The following SSBP4 variants were observed in gnomAD, a reference collection of about 807,000 sequenced individuals.
The protein encoded by SSBP4 is single stranded DNA binding protein 4, also known as single-stranded DNA-binding protein 4.
SSBP4 carries 33 observed loss-of-function variants against 64.6 expected under a neutral mutation model. The observed-to-expected ratio is 0.51, with a 90% confidence interval of 0.39 to 0.68. The LOEUF is 0.68. SSBP4 is among the 30% of genes least tolerant of loss of function. The probability of loss-of-function intolerance (pLI) is 0.00; values close to 1 mark genes in which losing one functional copy is unlikely to be tolerated. For missense variants in SSBP4, 583 were observed against 566.8 expected (o/e 1.03, Z -0.29); for synonymous variants, 243 against 224.0 (o/e 1.08, Z -0.76).
At chr19:18,434,176 T>C in intron 17 of SSBP4, 41 bp from the exon 18 acceptor site, 1 of 1,609,054 alleles carries the variant, frequency 6.2e-7, no homozygotes, top group Middle Eastern at 1.7e-4. Flanking sequence ...CTTCCGGAGC[T>C]GAACTCGGCC....
In SSBP4 at chr19:18,419,616, G is replaced by A. The variant is rs1180764728; in HGVS notation, c.-33G>A. The stretch of plus-strand genomic sequence containing the variant: ...CGCGGCCCGCGGCGCCGCCTGACAG[G>A]TGTGGGCCCCGGCGGCGGCGGCGTG... On this transcript the variant is annotated 5_prime_UTR_variant, in exon 1 of 18. It adds an upstream start codon to the 5' untranslated region. Transcript: ENST00000270061. 1 of 1,264,230 alleles carries A rather than the reference G, an allele frequency of 7.9e-7. No individual in the cohort carries two copies. The highest frequency in any genetic ancestry group is 1.0e-6 in the Non-Finnish European group (1 of 999,430). The allele number at this position is 1,264,230 out of a possible 1,614,324, so 78.3% of individuals were successfully genotyped here. A position where few individuals can be genotyped will look rare whatever the true frequency, so the allele number is the denominator to read the frequency against.
At chr19:18,407,726 C>A in the SSBP4 span, among the ~76,000 whole-genome samples, 15 of 152,008 alleles carry the variant, frequency 9.9e-5, no homozygotes, top group Admixed American at 5.2e-4. Flanking sequence ...CCACTGTACC[C>A]GGCCTTAGTA....
At chr19:18,432,459 C>T (rs549474507) in intron 10 of SSBP4, 100 bp from the exon 11 acceptor site, 35 of 1,477,418 alleles carry the variant, frequency 2.4e-5, no homozygotes, top group Admixed American at 2.1e-4. Flanking sequence ...GCTCTGTGGT[C>T]GGTCTGGGGA....
At chr19:18,433,418 C>T in intron 15 of SSBP4, 167 bp from the exon 16 acceptor site, 1 of 1,339,454 alleles carries the variant, frequency 7.5e-7, no homozygotes, top group Non-Finnish European at 1.0e-6. Context: ...CGCCCCTCCC[C>T]CCCAGGCCCA....
chr19:18,421,374 T>C (rs1033858185), intron 1 of SSBP4, among the ~76,000 whole-genome samples: 3 of 152,196 alleles, frequency 2.0e-5, no homozygotes, highest in Non-Finnish European at 2.9e-5. Flanking sequence ...TCTGCCATGG[T>C]CACCCCTGGA....
chr19:18,427,318 G>A lies in SSBP4; in HGVS notation c.60-33G>A, dbSNP rs1313896036. The A allele has an allele frequency of 6.2e-7, 1 of 1,604,654 alleles. No individual in the cohort carries two copies. The highest frequency in any genetic ancestry group is 8.5e-7 in the Non-Finnish European group (1 of 1,178,792). ...TTGGGGTGGGCCCTTGCCTTGGAGAGTCTGAGCTCCCTGGGCCGCCTCGCC... is the reference window on the plus strand; with the variant it reads ...TTGGGGTGGGCCCTTGCCTTGGAGAATCTGAGCTCCCTGGGCCGCCTCGCC... On this transcript the variant is annotated intron_variant, in intron 1 of 17. Transcript: ENST00000270061. The surrounding 1 kb of genome is among the most constrained non-coding windows in gnomAD (Gnocchi z 4.4).
chr19:18,429,803 C>T (rs1049838624), intron 4 of SSBP4, among the ~76,000 whole-genome samples: 2 of 152,148 alleles, frequency 1.3e-5, no homozygotes, highest in Non-Finnish European at 2.9e-5. Context: ...TAGGGGGCTC[C>T]CGCCTCCAGC....
the SSBP4 span, among the ~76,000 whole-genome samples, chr19:18,405,232 G>C: frequency 6.6e-6 from 1 of 152,124 alleles, no homozygotes; most frequent in Non-Finnish European, 1.5e-5. Flanking sequence ...GCTGGAACAG[G>C]GTCAAGGGCT....
In SSBP4 at chr19:18,434,450, T is replaced by C. The variant is rs1973849145; in HGVS notation, c.*204T>C. On this transcript the variant is annotated 3_prime_UTR_variant, in exon 18 of 18. Transcript: ENST00000270061. ...AGACGTTCTTTTCTGTATGGACCCT[T>C]CCTGCCATTTGTATTTTGTCCCAGA... 6 of 997,090 alleles carry C rather than the reference T, an allele frequency of 6.0e-6. No homozygotes were observed. In the South Asian group the frequency reaches 7.3e-5, roughly 12 times the overall value. The allele number at this position is 997,090 out of a possible 1,614,324, so 61.8% of individuals were successfully genotyped here.
At chr19:18,429,508 C>A (rs1427283857) in intron 4 of SSBP4, among the ~76,000 whole-genome samples, 1 of 151,078 alleles carries the variant, frequency 6.6e-6, no homozygotes. Flanking sequence ...GACCAGGAAA[C>A]GCTCAGGCAC....
chr19:18,412,265 A>C, the SSBP4 span, among the ~76,000 whole-genome samples: 13 of 152,078 alleles, frequency 8.5e-5, no homozygotes, highest in African/African-American at 3.1e-4. Context: ...GGTCAAGACC[A>C]GCCTGGCCAA....
chr19:18,420,140 CG>C (rs1245581181), intron 1 of SSBP4: 1 of 152,016 alleles, frequency 6.6e-6, no homozygotes, highest in Non-Finnish European at 1.5e-5. Flanking sequence ...CGAAGTTTTC[CG>C]GGACGAACAA....
intron 5 of SSBP4, 55 bp downstream of exon 5, chr19:18,430,985 A>T: frequency 1.3e-6 from 2 of 1,576,776 alleles, no homozygotes; most frequent in South Asian, 1.1e-5. Context: ...CATGCGTTTG[A>T]GGGTGGGGGG....
chr19:18,413,134 T>G, the SSBP4 span, among the ~76,000 whole-genome samples: 2 of 134,756 alleles, frequency 1.5e-5, no homozygotes, highest in African/African-American at 2.8e-5. Context: ...GAGCGTGGGG[T>G]GTTTTGGTTT....
At chr19:18,406,745 A>T in the SSBP4 span, among the ~76,000 whole-genome samples, 2 of 152,078 alleles carry the variant, frequency 1.3e-5, no homozygotes, top group Admixed American at 6.6e-5. Context: ...GGGCTGAGCC[A>T]AGCACCAGAG....
At position 18,427,922 on chromosome 19, in the gene SSBP4, G is replaced by A. The variant is rs144580240; in HGVS notation, c.219G>A (p.Ala73=). 4.3e-5 allele frequency: 69 copies of A among 1,613,678 alleles called. No individual in the cohort carries two copies. Among genetic ancestry groups the A allele is most frequent in the East Asian group, 1.8e-4 (8 of 44,870 alleles). ...GCGTCTTCTGGGACCTGTACTGCGC[G>A]GCGCCTGACAGAAGAGAGGCCTGCG... is the stretch of plus-strand genomic sequence containing the variant. The part of the protein sequence containing the change: ...WWCVFWDLYC[A]APDRREACEH... Residue 73 remains alanine (A), a synonymous_variant, in exon 4 of 18, where the codon GCG becomes GCA. Transcript: ENST00000270061. The surrounding 1 kb of genome is among the most constrained non-coding windows in gnomAD (Gnocchi z 4.4).
the SSBP4 span, among the ~76,000 whole-genome samples, chr19:18,405,986 G>A: frequency 1.4e-5 from 2 of 145,040 alleles, no homozygotes; most frequent in African/African-American, 2.5e-5. Context: ...GCAAGACTCC[G>A]TCTAAAAAAA....
At chr19:18,424,801 C>T (rs930337368) in intron 1 of SSBP4, among the ~76,000 whole-genome samples, 4 of 149,964 alleles carry the variant, frequency 2.7e-5, no homozygotes, top group Middle Eastern at 3.5e-3. Context: ...CCTGTGCGCA[C>T]GCCACCAGAG....
Position 18,432,883 on chromosome 19 carries a change from G to A in SSBP4, c.841G>A (p.Asp281Asn). Reference sequence around the variant, plus strand: ...AACACCCATCATGCCTAGCCCTGGAGGTATGGCCTAGTAAGAGGTGGGGGT... The same window carrying A: ...AACACCCATCATGCCTAGCCCTGGAAGTATGGCCTAGTAAGAGGTGGGGGT... ...PGTPIMPSPG[D>N]STNSSENMYT... Residue 281 changes from aspartate (D) to asparagine (N), a missense_variant and splice_region_variant, in exon 13 of 18, where the codon GAT (aspartate) becomes AAT (asparagine). Asp to Asn is a conservative substitution (Grantham distance 23, BLOSUM62 1). This residue lies in a region of SSBP4 where 444 missense variants were observed against 386.6 expected (regional missense o/e 1.15). Transcript: ENST00000270061. 5 of 1,614,070 alleles carry A rather than the reference G, an allele frequency of 3.1e-6. No homozygotes were observed. The South Asian group carries it at 5.5e-5, about 18-fold the overall frequency.
Sources: allele counts gnomAD v4.1 joint callset (sites outside exome capture counted in the v4.1 genomes callset), GRCh38; gene constraint gnomAD v4.1.1; regional missense constraint gnomAD v4.1.1; non-coding constraint Gnocchi (gnomAD v3.1); transcripts MANE v1.5; gene names NCBI Gene and HGNC (gene_info 2026-07-23, HGNC 2026-07-21).